SLC4A4: variants seen among roughly 807,000 people sequenced by gnomAD.
The protein encoded by SLC4A4 is solute carrier family 4 member 4.
A neutral mutation model predicts 111.5 loss-of-function variants in SLC4A4; 27 were observed. The ratio of observed to expected loss-of-function variants is 0.24; its 90% CI spans 0.18 to 0.33. The LOEUF (loss-of-function observed/expected upper bound fraction) is 0.33. SLC4A4 is among the 10% of genes least tolerant of loss of function. The probability of loss-of-function intolerance (pLI) is 1.00; values close to 1 mark genes in which losing one functional copy is unlikely to be tolerated. For missense variants in SLC4A4, 909 were observed against 1,315.5 expected, an observed-to-expected ratio of 0.69 and a Z score of 4.78; for synonymous variants, 443 against 463.4, an observed-to-expected ratio of 0.96 and a Z score of 0.57.
At chr4:71,453,132 T>A (rs1156333576) in intron 11 of SLC4A4, among the ~76,000 whole-genome samples, 3 of 152,104 alleles carry the variant, frequency 2.0e-5, no homozygotes, top group African/African-American at 7.2e-5. Context: ...GATGAATGAA[T>A]GAGGGTGGAA....
intron 2 of SLC4A4, among the ~76,000 whole-genome samples, chr4:71,106,702 T>C (rs1742931451): frequency 7.0e-6 from 1 of 142,014 alleles, no homozygotes; most frequent in East Asian, 2.1e-4. Context: ...ATATTCTCAC[T>C]CATAGGTGGG....
At chr4:71,406,267 G>A (rs1720841443) in intron 7 of SLC4A4, among the ~76,000 whole-genome samples, 1 of 151,910 alleles carries the variant, frequency 6.6e-6, no homozygotes, top group African/African-American at 2.4e-5. Context: ...TGCTTTATTA[G>A]GAGCTTTGAA....
At chr4:71,249,301 G>A (rs1435136585) in intron 2 of SLC4A4, among the ~76,000 whole-genome samples, 2 of 152,012 alleles carry the variant, frequency 1.3e-5, no homozygotes, top group African/African-American at 2.4e-5. Flanking sequence ...AATGACATAT[G>A]TAATACGTAA....
At chr4:71,455,694 A>G (rs1246626250) in intron 12 of SLC4A4, among the ~76,000 whole-genome samples, 1 of 152,168 alleles carries the variant, frequency 6.6e-6, no homozygotes, top group East Asian at 1.9e-4. Context: ...TTTGATGGAC[A>G]TTCTCATTGA....
Position 71,440,729 on chromosome 4 carries a change from G to T in SLC4A4, c.921G>T (p.Gln307His). The T allele has an allele frequency of 6.2e-7, 1 of 1,614,130 alleles. No homozygotes were observed. The highest frequency in any genetic ancestry group is 8.5e-7 in the Non-Finnish European group (1 of 1,179,998). Residue 307 changes from glutamine to histidine, a missense_variant, in exon 8 of 26, where the codon CAG becomes CAT. Gln to His is a conservative substitution (Grantham distance 24). Coordinates refer to ENST00000264485, the MANE Select transcript of SLC4A4 (RefSeq NM_001098484.3). Reference sequence around the variant, plus strand: ...TCATTGCCTTTGTTAGGCTACAGCAGGCTGTCATGCTGGGTGCCCTGACTG... The same window carrying T: ...TCATTGCCTTTGTTAGGCTACAGCATGCTGTCATGCTGGGTGCCCTGACTG... Reference protein sequence around the residue: ...TPFIAFVRLQQAVMLGALTEV... With the variant: ...TPFIAFVRLQHAVMLGALTEV...
intron 2 of SLC4A4, among the ~76,000 whole-genome samples, chr4:71,249,281 T>C (rs1720893417): frequency 6.6e-6 from 1 of 152,182 alleles, no homozygotes; most frequent in South Asian, 2.1e-4. Context: ...TTCAAAATTA[T>C]CTATACATAA....
chr4:71,351,293 T>C (rs528936020), intron 5 of SLC4A4, among the ~76,000 whole-genome samples: 1 of 152,332 alleles, frequency 6.6e-6, no homozygotes, highest in Admixed American at 6.5e-5. Flanking sequence ...GGGGCTTGAC[T>C]TCTGCCTACA....
intron 1 of SLC4A4, among the ~76,000 whole-genome samples, chr4:71,071,749 A>T (rs1356308432): frequency 6.6e-6 from 1 of 152,202 alleles, no homozygotes; most frequent in East Asian, 1.9e-4. Context: ...ACATTGATAC[A>T]TATAGATTTG....
At chr4:71,186,105 T>C (rs1417740182), upstream of SLC4A4, among the ~76,000 whole-genome samples, 1 of 152,220 alleles carries the variant, frequency 6.6e-6, no homozygotes, top group Non-Finnish European at 1.5e-5. Flanking sequence ...AGTTTACCAA[T>C]GGCAATGGTG....
chr4:71,242,793 TCTAC>T (rs1402376474), intron 2 of SLC4A4, among the ~76,000 whole-genome samples: 2,903 of 152,198 alleles, frequency 0.019, 93 homozygotes, highest in African/African-American at 0.067. Context: ...TATAATCTTT[TCTAC>T]AAATCGTAAC....
chr4:71,481,356 A>G (rs1395255359), intron 14 of SLC4A4, among the ~76,000 whole-genome samples: 4 of 151,788 alleles, frequency 2.6e-5, no homozygotes, highest in African/African-American at 7.2e-5. Context: ...AGTTCCTGCT[A>G]ATATGTAAAG....
At chr4:71,073,955 T>C (rs1008949645) in intron 1 of SLC4A4, among the ~76,000 whole-genome samples, 2 of 151,840 alleles carry the variant, frequency 1.3e-5, no homozygotes, top group African/African-American at 2.4e-5. Flanking sequence ...TGTGATGGTG[T>C]GTGCCTGTAG....
intron 16 of SLC4A4, among the ~76,000 whole-genome samples, chr4:71,506,044 G>C (rs1465043709): frequency 1.3e-5 from 2 of 152,042 alleles, no homozygotes; most frequent in African/African-American, 4.8e-5. Flanking sequence ...AGTTCCATTG[G>C]TCTATGTGTC....
intron 3 of SLC4A4, among the ~76,000 whole-genome samples, chr4:71,271,353 G>A (rs1057036509): frequency 1.8e-4 from 28 of 152,252 alleles, no homozygotes; most frequent in African/African-American, 6.7e-4. Context: ...TTCCAAATCT[G>A]GTGCTCTTTT....
intron 3 of SLC4A4, among the ~76,000 whole-genome samples, chr4:71,287,931 C>T (rs1000029470): frequency 6.6e-6 from 1 of 152,026 alleles, no homozygotes; most frequent in Non-Finnish European, 1.5e-5. Context: ...TTTCTCATGA[C>T]TTTATATCAT....
At chr4:71,268,073 G>GTTTTTTTTTT (rs1396891419) in intron 3 of SLC4A4, among the ~76,000 whole-genome samples, 1 of 43,118 alleles carries the variant, frequency 2.3e-5, no homozygotes, top group African/African-American at 6.4e-5. Context: ...AAATAAAGTA[G>GTTTTTTTTTT]TGTTTTTTTT....
chr4:71,463,093 T>C (rs1319839185), intron 12 of SLC4A4, among the ~76,000 whole-genome samples: 1 of 152,138 alleles, frequency 6.6e-6, no homozygotes, highest in East Asian at 1.9e-4. Context: ...TCCACAGTGG[T>C]GTCACATCAG....
At chr4:71,100,080 G>A (rs1258430911) in intron 2 of SLC4A4, among the ~76,000 whole-genome samples, 3 of 152,086 alleles carry the variant, frequency 2.0e-5, no homozygotes, top group African/African-American at 7.2e-5. Flanking sequence ...TGAGGAGGAT[G>A]GACTCCTCCC....
At chr4:71,446,273 G>A (rs1297381651) in intron 8 of SLC4A4, among the ~76,000 whole-genome samples, 1 of 152,106 alleles carries the variant, frequency 6.6e-6, no homozygotes, top group Non-Finnish European at 1.5e-5. Flanking sequence ...TTTATTTGAA[G>A]TGAGGGATAT....
Sources: allele counts gnomAD v4.1 joint callset (sites outside exome capture counted in the v4.1 genomes callset), GRCh38; gene constraint gnomAD v4.1.1; transcripts MANE v1.5; gene names NCBI Gene and HGNC (gene_info 2026-07-23, HGNC 2026-07-21).